The following SH3PXD2B variants were observed in gnomAD, a reference collection of about 807,000 sequenced individuals.
The protein encoded by SH3PXD2B is SH3 and PX domain-containing protein 2B.
SH3PXD2B carries 37 observed loss-of-function variants against 73.1 expected under a neutral mutation model. That is an observed-to-expected ratio of 0.51 (90% confidence interval 0.39 to 0.67). The LOEUF is 0.67. Among genes scored for constraint, SH3PXD2B ranks in the 30% least tolerant of loss-of-function variants. The pLI is 0.00. For synonymous variants in SH3PXD2B, 457 were observed against 480.5 expected (o/e 0.95, Z 0.64); for missense variants, 1,053 against 1,197.8 (o/e 0.88, Z 1.78).
Position 172,339,291 on chromosome 5 carries a change from T to C in SH3PXD2B, c.1814A>G (p.Lys605Arg), listed in dbSNP as rs1348056541. 6.2e-7 allele frequency: 1 copy of C among 1,614,230 alleles called. No homozygotes were observed. The highest frequency in any genetic ancestry group is 2.2e-5 in the East Asian group (1 of 44,884). Reference protein sequence around the residue: ...GLECGHKVLAKEVKKPNLRPI... With the variant: ...GLECGHKVLAREVKKPNLRPI... ...CCGGAGGTTGGGCTTCTTCACTTCC[T>C]TGGCCAAGACCTTGTGGCCACACTC... Residue 605 changes from lysine (K) to arginine (R), a missense_variant, in exon 13 of 13, where the codon AAG becomes AGG. Physicochemically the swap from Lys to Arg is conservative, Grantham distance 26. Coordinates refer to ENST00000311601, the MANE Select transcript of SH3PXD2B (RefSeq NM_001017995.3). This position sits in a 1 kb window ranked among gnomAD's most constrained non-coding sequence, Gnocchi z 6.1.
chr5:172,446,354 A>G (rs1358790779), intron 1 of SH3PXD2B, among the ~76,000 whole-genome samples: 2 of 152,144 alleles, frequency 1.3e-5, no homozygotes, highest in East Asian at 3.9e-4. Context: ...GTGGGTGCTC[A>G]CAACTCCCTG....
At chr5:172,363,663 C>T (rs1757446232) in intron 6 of SH3PXD2B, among the ~76,000 whole-genome samples, 1 of 151,918 alleles carries the variant, frequency 6.6e-6, no homozygotes, top group Non-Finnish European at 1.5e-5. Context: ...AGCGTAGGCA[C>T]ACTCTGAGAT....
chr5:172,350,457 C>T lies in SH3PXD2B; in HGVS notation c.918G>A (p.Gln306=), dbSNP rs749868449. The change falls in exon 10 of 13, where the codon CAG becomes CAA. Residue 306 remains glutamine (Q), a synonymous_variant. Coordinates refer to ENST00000311601, the MANE Select transcript of SH3PXD2B (RefSeq NM_001017995.3). The part of the protein sequence containing the change: ...GALDLDGVSR[Q]QNAVGREKEL... Reference sequence around the variant, plus strand: ...CCTTCTCCCTGCCCACCGCGTTCTGCTGCCGGGAAACACCATCCAAGTCAA... The same window carrying T: ...CCTTCTCCCTGCCCACCGCGTTCTGTTGCCGGGAAACACCATCCAAGTCAA... 8.1e-6 allele frequency: 13 copies of T among 1,614,174 alleles called. No individual in the cohort carries two copies. The highest frequency in any genetic ancestry group is 1.0e-5 in the Non-Finnish European group (12 of 1,180,038).
intron 1 of SH3PXD2B, among the ~76,000 whole-genome samples, chr5:172,429,174 C>T (rs1055478526): frequency 2.6e-5 from 4 of 152,180 alleles, no homozygotes; most frequent in Non-Finnish European, 5.9e-5. Context: ...TGCCAGGAGG[C>T]CAAGCCCTCA....
chr5:172,372,552 T>C (rs1004662243), intron 6 of SH3PXD2B, among the ~76,000 whole-genome samples: 3 of 152,156 alleles, frequency 2.0e-5, no homozygotes, highest in East Asian at 1.9e-4. Flanking sequence ...TGAACTAATA[T>C]ACTACTGCTG....
At chr5:172,435,039 C>T (rs923320950) in intron 1 of SH3PXD2B, among the ~76,000 whole-genome samples, 1 of 152,178 alleles carries the variant, frequency 6.6e-6, no homozygotes, top group Non-Finnish European at 1.5e-5. Flanking sequence ...CCCTCCTTGG[C>T]TTCCCAAAGT....
intron 6 of SH3PXD2B, 100 bp downstream of exon 6, chr5:172,373,690 T>C: frequency 7.3e-7 from 1 of 1,366,478 alleles, no homozygotes; most frequent in Admixed American, 2.0e-5. Context: ...TCCACATCAC[T>C]GTATCCTCAG....
intron 7 of SH3PXD2B, among the ~76,000 whole-genome samples, chr5:172,359,866 T>C (rs1757361685): frequency 6.6e-6 from 1 of 152,160 alleles, no homozygotes; most frequent in South Asian, 2.1e-4. Flanking sequence ...GGGTCCTTAA[T>C]ATGCAAGAAG....
intron 6 of SH3PXD2B, 73 bp downstream of exon 6, chr5:172,373,717 T>G: frequency 6.7e-7 from 1 of 1,501,556 alleles, no homozygotes; most frequent in Non-Finnish European, 9.1e-7. Context: ...ACCCAGAGCC[T>G]GGTGCACAGT....
At chr5:172,376,625 G>A (rs1287417563) in intron 5 of SH3PXD2B, among the ~76,000 whole-genome samples, 1 of 152,124 alleles carries the variant, frequency 6.6e-6, no homozygotes, top group African/African-American at 2.4e-5. Context: ...TGGCCAGGTC[G>A]GGCTGGGCTG....
chr5:172,379,734 A>G (rs1757900279), intron 5 of SH3PXD2B, among the ~76,000 whole-genome samples: 1 of 152,276 alleles, frequency 6.6e-6, no homozygotes, highest in African/African-American at 2.4e-5. Flanking sequence ...CCTCAACATT[A>G]CCCTACAAAG....
intron 3 of SH3PXD2B, among the ~76,000 whole-genome samples, chr5:172,400,669 C>T (rs1428271023): frequency 2.0e-5 from 3 of 152,218 alleles, no homozygotes; most frequent in Non-Finnish European, 4.4e-5. Context: ...TTACTTACCT[C>T]CAACCTGACT....
At position 172,337,108 on chromosome 5, in the gene SH3PXD2B, GCT is replaced by G. The variant is rs1756718672; in HGVS notation, c.*1259_*1260del. ...GCAACAGCTTAGAAGAGGGAACAGGGCTCTGTGTCAACCACCAGGACCCTGGC... is the reference window on the plus strand; with the variant it reads ...GCAACAGCTTAGAAGAGGGAACAGGGCTGTGTCAACCACCAGGACCCTGGC... On this transcript the variant is annotated 3_prime_UTR_variant, in exon 13 of 13. Coordinates refer to ENST00000311601, the MANE Select transcript of SH3PXD2B (RefSeq NM_001017995.3). The G allele has an allele frequency of 1.0e-6, 1 of 985,416 alleles. No homozygotes were observed. Among genetic ancestry groups the G allele is most frequent in the African/African-American group, 1.7e-5 (1 of 57,238 alleles). The allele number at this position is 985,416 out of a possible 1,614,324, so 61.0% of individuals were successfully genotyped here.
intron 12 of SH3PXD2B, among the ~76,000 whole-genome samples, chr5:172,341,379 A>G (rs1756845347): frequency 6.6e-6 from 1 of 152,166 alleles, no homozygotes; most frequent in Non-Finnish European, 1.5e-5. Flanking sequence ...ACGGGGGCAG[A>G]TCCCTCATGA....
At chr5:172,449,824 T>C (rs146148618) in intron 1 of SH3PXD2B, among the ~76,000 whole-genome samples, 2 of 152,126 alleles carry the variant, frequency 1.3e-5, no homozygotes, top group African/African-American at 4.8e-5. Flanking sequence ...GAGGCAGCTG[T>C]AAGAAAGTCA....
At chr5:172,409,990 A>G (rs1758655465) in intron 2 of SH3PXD2B, among the ~76,000 whole-genome samples, 1 of 152,242 alleles carries the variant, frequency 6.6e-6, no homozygotes, top group African/African-American at 2.4e-5. Context: ...TGCTGGGATT[A>G]CAGGCATGAG....
intron 1 of SH3PXD2B, among the ~76,000 whole-genome samples, chr5:172,443,519 C>G (rs1229951884): frequency 6.6e-6 from 1 of 152,220 alleles, no homozygotes; most frequent in African/African-American, 2.4e-5. Flanking sequence ...TACTCCAGGC[C>G]CTGTCGCAGC....
chr5:172,395,412 C>T (rs1379532558), intron 3 of SH3PXD2B, among the ~76,000 whole-genome samples: 1 of 152,118 alleles, frequency 6.6e-6, no homozygotes, highest in South Asian at 2.1e-4. Flanking sequence ...CTTATTTCAC[C>T]AAATATTAAC....
intron 4 of SH3PXD2B, among the ~76,000 whole-genome samples, chr5:172,387,286 T>G (rs1036897258): frequency 2.0e-5 from 3 of 152,252 alleles, no homozygotes; most frequent in Non-Finnish European, 4.4e-5. Context: ...GAATGAACAC[T>G]GGTGCAAGTG....
Sources: gnomAD v4.1 joint callset for allele counts (sites outside exome capture counted in the v4.1 genomes callset) on GRCh38, gnomAD v4.1.1 for gene constraint, Gnocchi (gnomAD v3.1) non-coding constraint, MANE v1.5 for transcripts, NCBI Gene and HGNC (gene_info 2026-07-23, HGNC 2026-07-21) for gene names.